Variants in ABCG2 observed in about 807,000 individuals in gnomAD.
ABCG2 encodes the protein ATP binding cassette subfamily G member 2 (JR blood group).
A neutral mutation model predicts 73.5 loss-of-function variants in ABCG2; 80 were observed. That is an observed-to-expected ratio of 1.09 (90% CI 0.91 to 1.31). The LOEUF (loss-of-function observed/expected upper bound fraction) is 1.31, where lower values mean the gene tolerates loss of function less well. Among genes scored for constraint, ABCG2 ranks in the 50% most tolerant of loss-of-function variants. The pLI is 0.00. For missense variants in ABCG2, 796 were observed against 786.2 expected (o/e 1.01, Z -0.15); for synonymous variants, 269 against 282.4 (o/e 0.95, Z 0.48).
intron 1 of ABCG2, among the ~76,000 whole-genome samples, chr4:88,151,603 TGG>T (rs1726485900): frequency 6.6e-6 from 1 of 151,792 alleles, no homozygotes; most frequent in Non-Finnish European, 1.5e-5. Flanking sequence ...CTGGGCGTGG[TGG>T]AGGGGCGCCG....
chr4:88,202,374 A>ATG (rs1553945724), intron 1 of ABCG2, among the ~76,000 whole-genome samples: 2 of 115,816 alleles, frequency 1.7e-5, no homozygotes, highest in African/African-American at 3.1e-5. Context: ...ATATATATAT[A>ATG]TATGTATATT....
intron 15 of ABCG2, 127 bp from the exon 16 acceptor site, chr4:88,092,508 T>G: frequency 1.1e-6 from 1 of 946,064 alleles, no homozygotes; most frequent in South Asian, 1.9e-5. Context: ...CCTTCAGATA[T>G]CATAGCTAAC....
At chr4:88,217,386 C>T (rs1209586101) in intron 1 of ABCG2, among the ~76,000 whole-genome samples, 3 of 152,080 alleles carry the variant, frequency 2.0e-5, no homozygotes, top group African/African-American at 4.8e-5. Context: ...GGAGGCCAGG[C>T]GCGGTGGCTC....
At chr4:88,230,328 T>G (rs1259519415) in intron 1 of ABCG2, among the ~76,000 whole-genome samples, 2 of 4,432 alleles carry the variant, frequency 4.5e-4, no homozygotes, top group African/African-American at 3.0e-3. Context: ...TGGCCACATA[T>G]ATATATATAT....
At chr4:88,215,642 G>C (rs1406165665) in intron 1 of ABCG2, among the ~76,000 whole-genome samples, 1 of 152,212 alleles carries the variant, frequency 6.6e-6, no homozygotes, top group Non-Finnish European at 1.5e-5. Flanking sequence ...CAAAGGCCAA[G>C]TAGTAACTTC....
chr4:88,186,041 C>T lies in ABCG2; in HGVS notation c.-20+44953G>A, dbSNP rs547526070. ...CCCCCAAAAAAGGAAATCAGTATGA[C>T]ACAGAGATATCTGCACTCCTATGTT... On this transcript the variant is annotated intron_variant, in intron 1 of 15. Transcript: ENST00000515655. Among the ~76,000 whole-genome samples, 4 of 152,238 alleles carry T rather than the reference C, an allele frequency of 2.6e-5. No homozygotes were observed. The East Asian group carries it at 7.7e-4, about 29-fold the overall frequency.
intron 1 of ABCG2, among the ~76,000 whole-genome samples, chr4:88,148,129 G>A (rs1441198432): frequency 6.6e-6 from 1 of 152,162 alleles, no homozygotes; most frequent in Non-Finnish European, 1.5e-5. Context: ...CAGGTTTGAA[G>A]TACATGGTCC....
chr4:88,098,439 G>A (rs1239614951), intron 12 of ABCG2, among the ~76,000 whole-genome samples: 1 of 151,504 alleles, frequency 6.6e-6, no homozygotes, highest in Non-Finnish European at 1.5e-5. Flanking sequence ...TACCAAACAA[G>A]TATTTTTTTT....
At chr4:88,106,793 C>A (rs1341442599) in intron 10 of ABCG2, among the ~76,000 whole-genome samples, 1 of 152,182 alleles carries the variant, frequency 6.6e-6, no homozygotes, top group Non-Finnish European at 1.5e-5. Context: ...GTAATCCCAG[C>A]ACTTTGGGAG....
In ABCG2 at chr4:88,145,032, A is replaced by G. The variant is rs115055824; in HGVS notation, c.-19-5018T>C. ...GCCTGCCACCTGCCCAGCTGGAACT[A>G]CTGCATTTGTTGGTAGAAGCCAAGA... is the stretch of plus-strand genomic sequence containing the variant. On this transcript the variant is annotated intron_variant, in intron 1 of 15. Coordinates refer to ENST00000237612, the MANE Select transcript of ABCG2 (RefSeq NM_004827.3). 4.9e-3 allele frequency among the ~76,000 whole-genome samples: 732 copies of G among 150,698 alleles called. 7 individuals carry two copies. Among genetic ancestry groups the G allele is most frequent in the African/African-American group, 0.017 (697 of 41,180 alleles).
chr4:88,102,763 G>A (rs1221727590), intron 10 of ABCG2, among the ~76,000 whole-genome samples: 1 of 151,818 alleles, frequency 6.6e-6, no homozygotes, highest in Admixed American at 6.6e-5. Flanking sequence ...AAAGAGGTAA[G>A]TGACACATCA....
In ABCG2 at chr4:88,139,963, T is replaced by A. The variant is rs1725515561; in HGVS notation, c.33A>T (p.Pro11=). The A allele has an allele frequency of 6.2e-7, 1 of 1,614,144 alleles. No homozygotes were observed. Among genetic ancestry groups the A allele is most frequent in the African/African-American group, 1.3e-5 (1 of 75,060 alleles). ...AGCCATTGGTGTTTCCTTGTGACAC[T>A]GGGATAAAAACTTCGACATTACTGG... MSSSNVEVFI[P]VSQGNTNGFP... The change falls in exon 2 of 16, where the codon CCA becomes CCT. Residue 11 remains proline (P), a synonymous_variant. Coordinates refer to ENST00000237612, the MANE Select transcript of ABCG2 (RefSeq NM_004827.3).
At chr4:88,178,092 G>A (rs1728083005) in intron 1 of ABCG2, among the ~76,000 whole-genome samples, 1 of 152,174 alleles carries the variant, frequency 6.6e-6, no homozygotes, top group Non-Finnish European at 1.5e-5. Context: ...ACCAGCTGGG[G>A]CAGCTAAGGG....
At chr4:88,157,615 T>C (rs1727032491) in intron 1 of ABCG2, among the ~76,000 whole-genome samples, 1 of 152,214 alleles carries the variant, frequency 6.6e-6, no homozygotes, top group Non-Finnish European at 1.5e-5. Flanking sequence ...ATGTTTATAA[T>C]GGAAGGGTAA....
chr4:88,195,951 A>C (rs1241935050), intron 1 of ABCG2, among the ~76,000 whole-genome samples: 1 of 152,144 alleles, frequency 6.6e-6, no homozygotes, highest in African/African-American at 2.4e-5. Flanking sequence ...TGCTTGATTG[A>C]GCCCATTCGC....
chr4:88,206,597 GC>G (rs1729390774), intron 1 of ABCG2: 1 of 152,000 alleles, frequency 6.6e-6, no homozygotes, highest in South Asian at 2.1e-4. Flanking sequence ...TCATAATCAT[GC>G]CTCTTATTTT....
chr4:88,230,603 AG>A (rs1366858259), intron 1 of ABCG2, among the ~76,000 whole-genome samples: 1 of 152,126 alleles, frequency 6.6e-6, no homozygotes, highest in Non-Finnish European at 1.5e-5. Flanking sequence ...GCACAGAGAT[AG>A]CCATCAAAGT....
intron 1 of ABCG2, among the ~76,000 whole-genome samples, chr4:88,214,150 G>C (rs1411697808): frequency 6.6e-6 from 1 of 151,482 alleles, no homozygotes; most frequent in Non-Finnish European, 1.5e-5. Context: ...ACCATGCCTG[G>C]CTAATTTCTG....
chr4:88,173,743 A>C (rs1727850050), intron 1 of ABCG2, among the ~76,000 whole-genome samples: 1 of 152,154 alleles, frequency 6.6e-6, no homozygotes, highest in South Asian at 2.1e-4. Context: ...TCATACCTGT[A>C]ATCCCAACAC....
Sources: allele counts gnomAD v4.1 joint callset (sites outside exome capture counted in the v4.1 genomes callset), GRCh38; gene constraint gnomAD v4.1.1; transcripts MANE v1.5; gene names NCBI Gene and HGNC (gene_info 2026-07-23, HGNC 2026-07-21).